The following BCL2L14 variants were observed in gnomAD, a reference collection of about 807,000 sequenced individuals.
BCL2L14 encodes apoptosis facilitator Bcl-2-like protein 14.
Under a neutral mutation model 35.3 loss-of-function variants are expected in BCL2L14, and 27 were observed. That is an observed-to-expected ratio of 0.76 (90% confidence interval 0.56 to 1.05). The LOEUF is 1.05. BCL2L14 is among the 50% of genes least tolerant of loss of function. BCL2L14 has a pLI of 0.00. For missense variants in BCL2L14, 377 were observed against 382.6 expected, an observed-to-expected ratio of 0.99 and a Z score of 0.12; for synonymous variants, 139 against 145.9, an observed-to-expected ratio of 0.95 and a Z score of 0.34.
intron 2 of BCL2L14, among the ~76,000 whole-genome samples, chr12:12,052,064 GT>G (rs886838918): frequency 6.6e-6 from 1 of 151,928 alleles, no homozygotes; most frequent in Non-Finnish European, 1.5e-5. Context: ...CTTTTTTGAG[GT>G]TTTTTTCTTC....
At chr12:12,059,133 GT>G (rs1205164768) in intron 2 of BCL2L14, among the ~76,000 whole-genome samples, 4 of 152,198 alleles carry the variant, frequency 2.6e-5, no homozygotes, top group African/African-American at 9.7e-5. Context: ...CCTTCCCTTA[GT>G]GTTTAATCAT....
At chr12:12,090,340 A>G (rs1222962414) in intron 3 of BCL2L14, among the ~76,000 whole-genome samples, 2 of 152,146 alleles carry the variant, frequency 1.3e-5, no homozygotes, top group African/African-American at 2.4e-5. Context: ...AAGAATGAAC[A>G]TGCTTCTTGC....
intron 3 of BCL2L14, among the ~76,000 whole-genome samples, chr12:12,089,040 C>A (rs1356645348): frequency 1.3e-5 from 2 of 152,216 alleles, no homozygotes; most frequent in African/African-American, 4.8e-5. Context: ...GAGTGTTAAC[C>A]CAATATATCG....
chr12:12,069,784 C>T (rs1948642211), upstream of BCL2L14, among the ~76,000 whole-genome samples: 1 of 151,674 alleles, frequency 6.6e-6, no homozygotes. Context: ...ATACCCTCTA[C>T]ATTGACCTCA....
At chr12:12,083,125 C>T (rs1302325602) in intron 2 of BCL2L14, among the ~76,000 whole-genome samples, 2 of 152,080 alleles carry the variant, frequency 1.3e-5, no homozygotes, top group Non-Finnish European at 2.9e-5. Flanking sequence ...CCACCACGCC[C>T]GGCTAATTTT....
chr12:12,078,346 G>C (rs955479431), intron 1 of BCL2L14, among the ~76,000 whole-genome samples: 2 of 152,140 alleles, frequency 1.3e-5, no homozygotes, highest in Non-Finnish European at 2.9e-5. Flanking sequence ...TCAGGTCCCA[G>C]GCATTTCTCT....
chr12:12,091,330 C>T lies in BCL2L14; in HGVS notation c.678+481C>T, dbSNP rs541842143. Among the ~76,000 whole-genome samples, 6 of 152,264 alleles carry T rather than the reference C, an allele frequency of 3.9e-5. No homozygotes were observed. The South Asian group carries it at 1.0e-3, about 26-fold the overall frequency. On this transcript the variant is annotated intron_variant, in intron 4 of 5. Transcript: ENST00000308721. ...TCTTAGCAGTTCAGCCAGGGAGGTG[C>T]GCTAGTGTTACTGGGAGAATGTATG...
chr12:12,075,214 C>G lies in BCL2L14; in HGVS notation c.-8+4077C>G, dbSNP rs111989601. ...CCCCGCTCACTGCAACCTTTGCCTC[C>G]CAGGTTCAAGTGATTCTCCTGTTGC... On this transcript the variant is annotated intron_variant, in intron 1 of 5. Transcript: ENST00000308721. Among the ~76,000 whole-genome samples the G allele has an allele frequency of 5.4e-3, 815 of 152,042 alleles. 6 individuals are homozygous for G. The highest frequency in any genetic ancestry group is 0.019 in the African/African-American group (773 of 41,448).
chr12:12,078,243 A>G (rs1281359920), intron 1 of BCL2L14, among the ~76,000 whole-genome samples: 1 of 152,216 alleles, frequency 6.6e-6, no homozygotes, highest in Non-Finnish European at 1.5e-5. Context: ...TACCAAATAT[A>G]GCAAGAAAAA....
chr12:12,069,960 C>T (rs929276485), upstream of BCL2L14, among the ~76,000 whole-genome samples: 4 of 152,160 alleles, frequency 2.6e-5, no homozygotes, highest in African/African-American at 9.7e-5. Flanking sequence ...TCCCCTTTCA[C>T]TATTCACACT....
chr12:12,058,807 G>T (rs896525864), intron 2 of BCL2L14, among the ~76,000 whole-genome samples: 1 of 152,142 alleles, frequency 6.6e-6, no homozygotes, highest in South Asian at 2.1e-4. Flanking sequence ...ACTCAGATGG[G>T]GGACCTCCCT....
chr12:12,097,792 A>G (rs1394357158), intron 5 of BCL2L14, among the ~76,000 whole-genome samples: 1 of 152,198 alleles, frequency 6.6e-6, no homozygotes, highest in African/African-American at 2.4e-5. Flanking sequence ...TACTGGAGAA[A>G]AAAAACAGTT....
At chr12:12,068,279 A>C (rs151036943), upstream of BCL2L14, 10 of 397,918 alleles carry the variant, frequency 2.5e-5, no homozygotes, top group East Asian at 3.2e-4. Context: ...TTTCAGCAAC[A>C]AACATTGTTT....
chr12:12,060,294 G>A (rs868850475), intron 2 of BCL2L14, among the ~76,000 whole-genome samples: 69 of 119,600 alleles, frequency 5.8e-4, no homozygotes, highest in African/African-American at 1.8e-3. Context: ...ATCAGATAGC[G>A]TTTAGGCTCT....
intron 5 of BCL2L14, chr12:12,096,183 C>G: frequency 1.0e-6 from 1 of 971,284 alleles, no homozygotes; most frequent in Non-Finnish European, 1.2e-6. Context: ...TCCCAATTGA[C>G]TATGTTTCAA....
intron 2 of BCL2L14, among the ~76,000 whole-genome samples, chr12:12,084,036 T>C (rs1049599431): frequency 6.6e-6 from 1 of 152,206 alleles, no homozygotes; most frequent in African/African-American, 2.4e-5. Flanking sequence ...TCACCCATCA[T>C]GTCTACATCT....
chr12:12,058,701 C>T (rs905963197), intron 2 of BCL2L14, among the ~76,000 whole-genome samples: 1 of 152,098 alleles, frequency 6.6e-6, no homozygotes, highest in African/African-American at 2.4e-5. Context: ...TCGGACTCAG[C>T]CCGCCTGCAC....
intron 2 of BCL2L14, among the ~76,000 whole-genome samples, chr12:12,057,269 T>C (rs892840202): frequency 6.6e-6 from 1 of 152,238 alleles, no homozygotes; most frequent in Admixed American, 6.5e-5. Flanking sequence ...GTTTTCTATA[T>C]GTTAACTTCT....
upstream of BCL2L14, among the ~76,000 whole-genome samples, chr12:12,066,810 A>C (rs1306036070): frequency 3.3e-5 from 5 of 150,410 alleles, no homozygotes; most frequent in Non-Finnish European, 4.4e-5. Context: ...TCCCGGGTTC[A>C]CGCCATTCTC....
Sources: allele counts gnomAD v4.1 joint callset (sites outside exome capture counted in the v4.1 genomes callset), GRCh38; gene constraint gnomAD v4.1.1; transcripts MANE v1.5; gene names NCBI Gene and HGNC (gene_info 2026-07-23, HGNC 2026-07-21).